The following NXN variants were observed in gnomAD, a reference collection of about 807,000 sequenced individuals.
NXN encodes the protein nucleoredoxin, also known as nucleoredoxin 1.
In NXN, 16 loss-of-function variants were observed where a neutral mutation model predicts 48.6. The ratio of observed to expected loss-of-function variants is 0.33; its 90% CI spans 0.22 to 0.50. The LOEUF is 0.50. NXN is among the 20% of genes least tolerant of loss of function. The pLI is 0.98. For missense variants in NXN, 492 were observed against 605.5 expected, an observed-to-expected ratio of 0.81 and a Z score of 1.97; for synonymous variants, 281 against 269.6, an observed-to-expected ratio of 1.04 and a Z score of -0.41.
At chr17:857,138 TG>T (rs1430782475) in intron 1 of NXN, among the ~76,000 whole-genome samples, 3 of 152,194 alleles carry the variant, frequency 2.0e-5, no homozygotes, top group African/African-American at 7.2e-5. Context: ...TTGTGGTGGG[TG>T]GAAGTCGAAA....
intron 1 of NXN, among the ~76,000 whole-genome samples, chr17:925,820 A>G (rs1161798682): frequency 6.6e-6 from 1 of 152,170 alleles, no homozygotes; most frequent in Admixed American, 6.5e-5. Context: ...ATGCTCACGA[A>G]CGTCCCTGTT....
chr17:845,930 G>C (rs1365800101), intron 1 of NXN, among the ~76,000 whole-genome samples: 2 of 152,094 alleles, frequency 1.3e-5, no homozygotes, highest in African/African-American at 4.8e-5. Context: ...GGGTGTGGTG[G>C]CTCATGCCTG....
intron 1 of NXN, among the ~76,000 whole-genome samples, chr17:843,024 GAAA>G (rs1234271247): frequency 7.2e-6 from 1 of 138,018 alleles, no homozygotes; most frequent in Admixed American, 7.1e-5. Context: ...AAGAAAGAAA[GAAA>G]GAAAGAAAGA....
At chr17:922,099 G>T (rs542372754) in intron 1 of NXN, among the ~76,000 whole-genome samples, 14 of 152,318 alleles carry the variant, frequency 9.2e-5, no homozygotes, top group East Asian at 3.9e-4. Context: ...CTGTGACTTT[G>T]TTGGCCAACA....
At chr17:829,374 C>T (rs953826159) in intron 1 of NXN, among the ~76,000 whole-genome samples, 2 of 151,362 alleles carry the variant, frequency 1.3e-5, no homozygotes, top group East Asian at 1.9e-4. Flanking sequence ...AGGTTGGTCT[C>T]GAACTCCTGA....
At chr17:817,429 G>A (rs1322638193) in intron 5 of NXN, among the ~76,000 whole-genome samples, 3 of 152,144 alleles carry the variant, frequency 2.0e-5, no homozygotes, top group Admixed American at 1.3e-4. Context: ...CAGCACTTTG[G>A]GAGGCCGAGG....
chr17:856,779 C>T (rs925445129), intron 1 of NXN, among the ~76,000 whole-genome samples: 7 of 152,150 alleles, frequency 4.6e-5, no homozygotes, highest in African/African-American at 1.7e-4. Flanking sequence ...CGGCCACGCC[C>T]AGCCTACTGT....
chr17:854,968 A>G (rs554348309), intron 1 of NXN, among the ~76,000 whole-genome samples: 33 of 152,092 alleles, frequency 2.2e-4, no homozygotes, highest in Non-Finnish European at 4.4e-4. Flanking sequence ...CAAAAAAAAA[A>G]AAGACTTTAA....
intron 5 of NXN, among the ~76,000 whole-genome samples, chr17:809,185 C>T (rs972969934): frequency 6.6e-6 from 1 of 152,122 alleles, no homozygotes; most frequent in African/African-American, 2.4e-5. Flanking sequence ...GTGGGGTTGG[C>T]GTGCTTTTGC....
chr17:863,035 C>G (rs557181346), intron 1 of NXN, among the ~76,000 whole-genome samples: 1 of 152,292 alleles, frequency 6.6e-6, no homozygotes, highest in South Asian at 2.1e-4. Context: ...ACAGTATACT[C>G]AGGGGATTGG....
At chr17:975,172 T>C (rs995792486) in intron 1 of NXN, among the ~76,000 whole-genome samples, 15 of 152,120 alleles carry the variant, frequency 9.9e-5, no homozygotes, top group Admixed American at 9.2e-4. Context: ...CTGGCCCAAG[T>C]CCTAGAAACA....
chr17:819,469 A>T lies in NXN; in HGVS notation c.790T>A (p.Ser264Thr). Residue 264 changes from serine (S) to threonine (T), a missense_variant, in exon 5 of 8, where the codon TCG (serine) becomes ACG (threonine). This residue lies in a region of NXN where 303 missense variants were observed against 388.3 expected (regional missense o/e 0.78). Coordinates refer to ENST00000336868, the MANE Select transcript of NXN (RefSeq NM_022463.5). ...ATTCCGTACAGCCGGTTGAGGCGCGACCGCCGGGCCTCATCCGTGTAGGGG... is the reference window on the plus strand; with the variant it reads ...ATTCCGTACAGCCGGTTGAGGCGCGTCCGCCGGGCCTCATCCGTGTAGGGG... The part of the protein sequence containing the change: ...AVPYTDEARR[S>T]RLNRLYGIQG... The T allele has an allele frequency of 6.2e-7, 1 of 1,613,936 alleles. No homozygotes were observed. Among genetic ancestry groups the T allele is most frequent in the Non-Finnish European group, 8.5e-7 (1 of 1,179,964 alleles).
chr17:956,846 G>A lies in NXN; in HGVS notation c.360+22473C>T, dbSNP rs1466157192. The stretch of plus-strand genomic sequence containing the variant: ...TTGCCCAAGATCTCAAAGCTGGAGA[G>A]CGGGAAAGATGGATCAGAACCAGGT... On this transcript the variant is annotated intron_variant, in intron 1 of 7. Transcript: ENST00000336868. The surrounding 1 kb of genome is among the most constrained non-coding windows in gnomAD (Gnocchi z 4.1). Among the ~76,000 whole-genome samples, 1 of 152,192 alleles carries A rather than the reference G, an allele frequency of 6.6e-6. No individual in the cohort carries two copies. The highest frequency in any genetic ancestry group is 6.5e-5 in the Admixed American group (1 of 15,278).
intron 1 of NXN, among the ~76,000 whole-genome samples, chr17:841,410 CT>C (rs66855800): frequency 0.032 from 1,061 of 32,668 alleles, 32 homozygotes; most frequent in African/African-American, 0.053. Flanking sequence ...CAGGTCCCCC[CT>C]GACCACGGCG....
rs183114675 is a variant in NXN at position 835,294 on chromosome 17, C to G, written c.361-9216G>C. 1.8e-3 allele frequency among the ~76,000 whole-genome samples: 260 copies of G among 146,592 alleles called. 2 individuals are homozygous for G. The highest frequency in any genetic ancestry group is 6.2e-3 in the African/African-American group (246 of 39,606). On this transcript the variant is annotated intron_variant, in intron 1 of 7. Transcript: ENST00000336868. Reference sequence around the variant, plus strand: ...CTGCACTCCAGCCTGGAAGACAGACCGAGACTCTGTTTCAAAAAAAAAAAA... The same window carrying G: ...CTGCACTCCAGCCTGGAAGACAGACGGAGACTCTGTTTCAAAAAAAAAAAA...
At chr17:961,686 G>A (rs61438008) in intron 1 of NXN, among the ~76,000 whole-genome samples, 3,962 of 152,260 alleles carry the variant, frequency 0.026, 241 homozygotes, top group East Asian at 0.26. Context: ...AGGGCTCACT[G>A]AATCTTTGAA....
chr17:853,262 G>A (rs574210883), intron 1 of NXN, among the ~76,000 whole-genome samples: 11 of 152,228 alleles, frequency 7.2e-5, no homozygotes, highest in Non-Finnish European at 1.2e-4. Flanking sequence ...TGGCCAGCAC[G>A]GTGAAACCTC....
At chr17:863,523 C>T (rs1282730304) in intron 1 of NXN, among the ~76,000 whole-genome samples, 1 of 151,868 alleles carries the variant, frequency 6.6e-6, no homozygotes, top group Non-Finnish European at 1.5e-5. Context: ...AGCAGTGGTA[C>T]AATCACATCT....
At chr17:964,701 A>G (rs2069281518) in intron 1 of NXN, among the ~76,000 whole-genome samples, 1 of 152,240 alleles carries the variant, frequency 6.6e-6, no homozygotes, top group Non-Finnish European at 1.5e-5. Context: ...TAGGTGGTCA[A>G]AGACACTTGT....
Sources: allele counts gnomAD v4.1 joint callset (sites outside exome capture counted in the v4.1 genomes callset), GRCh38; gene constraint gnomAD v4.1.1; regional missense constraint gnomAD v4.1.1; non-coding constraint Gnocchi (gnomAD v3.1); transcripts MANE v1.5; gene names NCBI Gene and HGNC (gene_info 2026-07-23, HGNC 2026-07-21).